The following KDM5B variants were observed in gnomAD, a reference collection of about 807,000 sequenced individuals.
The protein encoded by KDM5B is lysine demethylase 5B, also known as lysine-specific demethylase 5B.
In KDM5B, 144 loss-of-function variants were observed where a neutral mutation model predicts 193.4. The observed-to-expected ratio is 0.74, with a 90% CI of 0.65 to 0.86. The LOEUF (loss-of-function observed/expected upper bound fraction) is 0.86. KDM5B is among the 40% of genes least tolerant of loss of function. The pLI is 0.00. For missense variants in KDM5B, 1,833 were observed against 1,886.9 expected (o/e 0.97, Z 0.53); for synonymous variants, 668 against 682.6 (o/e 0.98, Z 0.33).
intron 11 of KDM5B, 49 bp from the exon 12 acceptor site, chr1:202,753,116 A>C (rs369652213): frequency 4.6e-6 from 7 of 1,509,676 alleles, no homozygotes; most frequent in African/African-American, 2.8e-5. Flanking sequence ...CAACACAAAC[A>C]AAATGGGTTA....
chr1:202,729,304 A>G, intron 26 of KDM5B, 131 bp from the exon 27 acceptor site: 1 of 950,054 alleles, frequency 1.1e-6, no homozygotes, highest in East Asian at 2.6e-5. Context: ...CCTCTGGCAC[A>G]ACAGCTAAGC....
Position 202,725,242 on chromosome 1 carries a change from A to G in KDM5B, c.*3794T>C, listed in dbSNP as rs980424804. On this transcript the variant is annotated 3_prime_UTR_variant, in exon 27 of 27. Transcript: ENST00000367265. Reference sequence around the variant, plus strand: ...ACGTAAGGTGTATTCCTATGTAAGCAATATTGAAACATGAAAAACTTGTTC... The same window carrying G: ...ACGTAAGGTGTATTCCTATGTAAGCGATATTGAAACATGAAAAACTTGTTC... 2.0e-5 allele frequency: 3 copies of G among 152,244 alleles called. No individual in the cohort carries two copies. Among genetic ancestry groups the G allele is most frequent in the African/African-American group, 7.2e-5 (3 of 41,466 alleles). The allele number at this position is 152,244 out of a possible 1,614,324, so 9.4% of individuals were successfully genotyped here.
chr1:202,790,285 G>A (rs12049156), intron 1 of KDM5B, among the ~76,000 whole-genome samples: 24,182 of 150,756 alleles, frequency 0.16, 2,418 homozygotes, highest in East Asian at 0.28. Flanking sequence ...TGAATGAATG[G>A]ATGGATGGCA....
At chr1:202,742,246 T>A in intron 18 of KDM5B, 145 bp downstream of exon 18, 1 of 591,146 alleles carries the variant, frequency 1.7e-6, no homozygotes, top group South Asian at 2.0e-5. Context: ...TTTATATACA[T>A]ATACCACTCA....
At chr1:202,805,511 T>C (rs981465870) in intron 1 of KDM5B, among the ~76,000 whole-genome samples, 3 of 152,196 alleles carry the variant, frequency 2.0e-5, no homozygotes, top group Admixed American at 1.3e-4. Context: ...TTTATACTTC[T>C]CCTTACCTTC....
chr1:202,805,020 C>T (rs1400919365), intron 1 of KDM5B, among the ~76,000 whole-genome samples: 1 of 152,066 alleles, frequency 6.6e-6, no homozygotes, highest in East Asian at 1.9e-4. Context: ...ATTTTTCTGC[C>T]TAATAGTTAC....
chr1:202,804,256 T>G (rs1012228112), intron 1 of KDM5B, among the ~76,000 whole-genome samples: 1 of 20,648 alleles, frequency 4.8e-5, no homozygotes, highest in Non-Finnish European at 3.0e-4. Flanking sequence ...ATAAAAGGGT[T>G]TTTTTTTTAA....
intron 1 of KDM5B, among the ~76,000 whole-genome samples, chr1:202,807,693 G>A (rs1658362604): frequency 6.9e-6 from 1 of 145,246 alleles, no homozygotes; most frequent in Admixed American, 6.8e-5. Context: ...GGGAGCGGAG[G>A]CGAGGACCAG....
chr1:202,729,844 C>T lies in KDM5B; in HGVS notation c.4360G>A (p.Glu1454Lys), dbSNP rs532229831. The T allele has an allele frequency of 2.5e-6, 4 of 1,614,026 alleles. No homozygotes were observed. Among genetic ancestry groups the T allele is most frequent in the South Asian group, 2.2e-5 (2 of 91,082 alleles). Residue 1454 changes from glutamate to lysine, a missense_variant, in exon 26 of 27, where the codon GAG becomes AAG. By Grantham distance (56) the Glu-to-Lys change is moderately conservative. Around this residue, in one of 3 missense-constraint regions of KDM5B, gnomAD observed 1,379 missense variants for 1,349.6 expected, o/e 1.02. Transcript: ENST00000367265. ...GAACGAACTAATTCATAGCTACGCT[C>T]TCTCTCTAACTTGAAATTGTTCATG... The part of the protein sequence containing the change: ...KDMNNFKLER[E>K]RSYELVRSAE...
chr1:202,769,764 T>C (rs573236552), intron 4 of KDM5B, among the ~76,000 whole-genome samples: 1 of 151,278 alleles, frequency 6.6e-6, no homozygotes, highest in African/African-American at 2.4e-5. Context: ...AAAATTTGTA[T>C]AGAACATTGC....
intron 12 of KDM5B, among the ~76,000 whole-genome samples, chr1:202,751,661 G>T (rs1655797215): frequency 6.6e-6 from 1 of 152,178 alleles, no homozygotes; most frequent in South Asian, 2.1e-4. Flanking sequence ...TATTAGATCA[G>T]TCTCATAGTT....
At chr1:202,740,999 C>T (rs1043510619) in intron 19 of KDM5B, among the ~76,000 whole-genome samples, 187 bp from the exon 20 acceptor site, 2 of 152,170 alleles carry the variant, frequency 1.3e-5, no homozygotes, top group Non-Finnish European at 2.9e-5. Context: ...TTAACTCTCA[C>T]ACATTTCTCT....
intron 1 of KDM5B, among the ~76,000 whole-genome samples, chr1:202,787,191 T>C (rs1474570632): frequency 7.2e-5 from 11 of 152,250 alleles, no homozygotes; most frequent in African/African-American, 2.6e-4. Flanking sequence ...AAGAAATTTT[T>C]TGTAGAGTCA....
At chr1:202,733,294 G>T in intron 23 of KDM5B, 107 bp downstream of exon 23, 1 of 1,289,866 alleles carries the variant, frequency 7.8e-7, no homozygotes, top group East Asian at 2.3e-5. Context: ...GCTGTTAACA[G>T]TAAAGTGATC....
rs1286915303 is a variant in KDM5B at position 202,729,783 on chromosome 1, T to A, written c.4421A>T (p.Tyr1474Phe). ...ATCCTCAGAGTCTTCCTGTTCGGAA[T>A]AGGATGTGTCTGAGGGCAGGGAATG... The part of the protein sequence containing the change: ...ETHSLPSDTS[Y>F]SEQEDSEDED... Residue 1474 changes from tyrosine (Y) to phenylalanine (F), a missense_variant, in exon 26 of 27, where the codon TAT (tyrosine) becomes TTT (phenylalanine). Around this residue, in one of 3 missense-constraint regions of KDM5B, gnomAD observed 1,379 missense variants for 1,349.6 expected, o/e 1.02. Coordinates refer to ENST00000367265, the MANE Select transcript of KDM5B (RefSeq NM_006618.5). The A allele has an allele frequency of 2.5e-6, 4 of 1,614,090 alleles. No homozygotes were observed. Among genetic ancestry groups the A allele is most frequent in the African/African-American group, 1.3e-5 (1 of 75,044 alleles).
Position 202,808,201 on chromosome 1 carries a change from G to C in KDM5B, c.105C>G (p.Phe35Leu). The C allele has an allele frequency of 6.2e-7, 1 of 1,613,044 alleles. No homozygotes were observed. The highest frequency in any genetic ancestry group is 8.5e-7 in the Non-Finnish European group (1 of 1,179,566). ...CCGCGAACTCTTCCCAGCTGGGTTC[G>C]AAGACCGGGCACTCGGGTGGAGGCA... ...EFLPPPECPV[F>L]EPSWEEFADP... The change falls in exon 1 of 27, where the codon TTC (phenylalanine) becomes TTG (leucine). Residue 35 changes from phenylalanine (F) to leucine (L), a missense_variant. Around this residue, in one of 3 missense-constraint regions of KDM5B, gnomAD observed 355 missense variants for 374.9 expected, o/e 0.95. Transcript: ENST00000367265.
At position 202,773,300 on chromosome 1, in the gene KDM5B, G is replaced by T; in HGVS notation, c.406-12C>A. On this transcript the variant is annotated splice_polypyrimidine_tract_variant and intron_variant, in intron 3 of 26. Transcript: ENST00000367265. ...TCTTCTGCAACTAACTGTTAAAATA[G>T]CAAAATTAGAAACAACTATATGGAA... 6.2e-7 allele frequency: 1 copy of T among 1,612,316 alleles called. No individual in the cohort carries two copies. Among genetic ancestry groups the T allele is most frequent in the South Asian group, 1.1e-5 (1 of 90,980 alleles).
In KDM5B at chr1:202,727,084, A is replaced by G. The variant is rs959710814; in HGVS notation, c.*1952T>C. ...TGTGTACCACCACCCACAGGTGAAG[A>G]AGAAAAACTAGTGGGGATGGGGGTA... On this transcript the variant is annotated 3_prime_UTR_variant, in exon 27 of 27. Coordinates refer to ENST00000367265, the MANE Select transcript of KDM5B (RefSeq NM_006618.5). 2 of 152,272 alleles carry G rather than the reference A, an allele frequency of 1.3e-5. No homozygotes were observed. Among genetic ancestry groups the G allele is most frequent in the Non-Finnish European group, 2.9e-5 (2 of 68,084 alleles). The allele number at this position is 152,272 out of a possible 1,614,324, so 9.4% of individuals were successfully genotyped here.
Position 202,808,140 on chromosome 1 carries a change from C to G in KDM5B, c.166G>C (p.Ala56Pro). 1 of 1,613,008 alleles carries G rather than the reference C, an allele frequency of 6.2e-7. No individual in the cohort carries two copies. The highest frequency in any genetic ancestry group is 8.5e-7 in the Non-Finnish European group (1 of 1,179,526). ...ACCTTACAGATGCCAGTCTGCTCGG[C>G]TATGGGCCGGATCTTGTGGATGAAA... Reference protein sequence around the residue: ...FAFIHKIRPIAEQTGICKVRP... With the variant: ...FAFIHKIRPIPEQTGICKVRP... The change falls in exon 1 of 27, where the codon GCC becomes CCC. Residue 56 changes from alanine to proline, a missense_variant. Around this residue, in one of 3 missense-constraint regions of KDM5B, gnomAD observed 355 missense variants for 374.9 expected, o/e 0.95. Transcript: ENST00000367265.
Sources: gnomAD v4.1 joint callset for allele counts (sites outside exome capture counted in the v4.1 genomes callset) on GRCh38, gnomAD v4.1.1 for gene constraint, gnomAD v4.1.1 regional missense constraint, MANE v1.5 for transcripts, NCBI Gene and HGNC (gene_info 2026-07-23, HGNC 2026-07-21) for gene names.